The following CLOCK variants were observed in gnomAD, a reference collection of about 807,000 sequenced individuals.
The protein encoded by CLOCK is clock circadian regulator.
In CLOCK, 43 loss-of-function variants were observed where a neutral mutation model predicts 118.4. That is an observed-to-expected ratio of 0.36 (90% CI 0.28 to 0.47). CLOCK has a LOEUF of 0.47. Ranked by LOEUF, CLOCK falls within the 20% of genes least tolerant of loss-of-function variation. The pLI, the probability that CLOCK is intolerant of heterozygous loss-of-function variation, is 1.00. For synonymous variants in CLOCK, 326 were observed against 339.2 expected (o/e 0.96, Z 0.43); for missense variants, 846 against 999.9 (o/e 0.85, Z 2.08).
intron 14 of CLOCK, 158 bp from the exon 15 acceptor site, chr4:55,453,287 T>C (rs1724631234): frequency 1.6e-6 from 1 of 626,378 alleles, no homozygotes. Flanking sequence ...TGTCTTAATT[T>C]AACTTGCATT....
chr4:55,443,842 A>C lies in CLOCK; in HGVS notation c.1747T>G (p.Ser583Ala), dbSNP rs150890790. 1.2e-6 allele frequency: 2 copies of C among 1,613,682 alleles called. No individual in the cohort carries two copies. The highest frequency in any genetic ancestry group is 1.7e-6 in the Non-Finnish European group (2 of 1,179,988). The change falls in exon 20 of 23, where the codon TCT (serine) becomes GCT (alanine). Residue 583 changes from serine to alanine, a missense_variant. This residue lies in a region of CLOCK where 520 missense variants were observed against 558.0 expected (regional missense o/e 0.93). Transcript: ENST00000513440. ...GLNFGSVQLS[S>A]GNSSNIQQLA... ...TGCTGGATATTAGATGAATTTCCAGAAGAAAGTTGAACGGAACCAAAATTC... is the reference window on the plus strand; with the variant it reads ...TGCTGGATATTAGATGAATTTCCAGCAGAAAGTTGAACGGAACCAAAATTC...
chr4:55,545,616 T>C (rs946864429), intron 1 of CLOCK: 2 of 152,196 alleles, frequency 1.3e-5, no homozygotes, highest in Non-Finnish European at 2.9e-5. Context: ...ACAATCTGAT[T>C]TGATCTTTCA....
intron 11 of CLOCK, among the ~76,000 whole-genome samples, chr4:55,456,620 T>C (rs1464490): frequency 0.35 from 51,277 of 147,026 alleles, 9,350 homozygotes; most frequent in East Asian, 0.59. Flanking sequence ...CATAAATAAA[T>C]AGTCATTACT....
intron 1 of CLOCK, among the ~76,000 whole-genome samples, chr4:55,511,535 G>T (rs1729145493): frequency 6.6e-6 from 1 of 152,088 alleles, no homozygotes; most frequent in Non-Finnish European, 1.5e-5. Flanking sequence ...ATTTCCCATT[G>T]ACTCCATTAA....
intron 18 of CLOCK, among the ~76,000 whole-genome samples, chr4:55,448,189 G>A (rs760689341): frequency 6.6e-6 from 1 of 152,176 alleles, no homozygotes; most frequent in Non-Finnish European, 1.5e-5. Flanking sequence ...CCCTCTAGAT[G>A]TAATGGTTTT....
intron 13 of CLOCK, among the ~76,000 whole-genome samples, chr4:55,455,411 A>G (rs1362210473): frequency 6.6e-6 from 1 of 152,212 alleles, no homozygotes; most frequent in African/African-American, 2.4e-5. Context: ...TAATAGATGT[A>G]AAGTGTTTAG....
chr4:55,539,201 C>CTCCA (rs1350216283), intron 1 of CLOCK, among the ~76,000 whole-genome samples: 1 of 151,836 alleles, frequency 6.6e-6, no homozygotes, highest in Non-Finnish European at 1.5e-5. Flanking sequence ...CGCCACTGCA[C>CTCCA]TCCAGCCTAA....
intron 18 of CLOCK, 134 bp downstream of exon 18, chr4:55,448,645 C>T (rs972037678): frequency 1.6e-5 from 8 of 512,940 alleles, no homozygotes; most frequent in Non-Finnish European, 3.0e-5. Flanking sequence ...TGTGTGTGTG[C>T]TCCTACCTCA....
At chr4:55,508,667 A>ACTG in intron 2 of CLOCK, among the ~76,000 whole-genome samples, 1 of 150,520 alleles carries the variant, frequency 6.6e-6, no homozygotes, top group South Asian at 2.1e-4. Context: ...ATCTCGGCTC[A>ACTG]CTGCAAGCGC....
rs1724090989 is a variant in CLOCK at position 55,448,585 on chromosome 4, CGCGCGCGCACGCGCGCGTGT to C, written c.1539+174_1539+193del. Among the ~76,000 whole-genome samples the C allele has an allele frequency of 4.1e-5, 3 of 72,932 alleles. No individual in the cohort carries two copies. In the South Asian group the frequency reaches 2.4e-3, roughly 59 times the overall value. 47.8% of individuals were successfully genotyped at this position (72,932 alleles called of 152,430 possible). ...ATCTGTAACTATAATTATATATGTG[CGCGCGCGCACGCGCGCGTGT>C]GTGTGTGTGTGTGTGTGTGTGTGTG... On this transcript the variant is annotated intron_variant, in intron 18 of 22. Coordinates refer to ENST00000513440, the MANE Select transcript of CLOCK (RefSeq NM_004898.4).
intron 9 of CLOCK, among the ~76,000 whole-genome samples, chr4:55,462,474 T>C (rs1427084689): frequency 6.6e-6 from 1 of 152,178 alleles, no homozygotes; most frequent in African/African-American, 2.4e-5. Flanking sequence ...AGATGGGGTT[T>C]CGCCATGTTG....
chr4:55,433,677 T>C lies in CLOCK; in HGVS notation c.*1738A>G, dbSNP rs1331675902. 6.6e-6 allele frequency: 1 copy of C among 152,252 alleles called. No homozygotes were observed. The highest frequency in any genetic ancestry group is 1.5e-5 in the Non-Finnish European group (1 of 68,042). The allele number at this position is 152,252 out of a possible 1,614,324, so 9.4% of individuals were successfully genotyped here. On this transcript the variant is annotated 3_prime_UTR_variant, in exon 23 of 23. Transcript: ENST00000513440. Reference sequence around the variant, plus strand: ...TTTTATATTCTAATAATGTATTTTCTACTAATCCTCTTTTGTTCTATCACT... The same window carrying C: ...TTTTATATTCTAATAATGTATTTTCCACTAATCCTCTTTTGTTCTATCACT...
At chr4:55,544,543 A>T (rs1426571407) in intron 1 of CLOCK, among the ~76,000 whole-genome samples, 5 of 152,230 alleles carry the variant, frequency 3.3e-5, no homozygotes, top group Admixed American at 2.6e-4. Context: ...CTTAAAAATT[A>T]AAGTGTAAAT....
At chr4:55,505,992 A>G (rs912979835) in intron 2 of CLOCK, among the ~76,000 whole-genome samples, 1 of 152,018 alleles carries the variant, frequency 6.6e-6, no homozygotes, top group Non-Finnish European at 1.5e-5. Flanking sequence ...ATTCTCTTAA[A>G]TATCTACAGT....
chr4:55,524,987 A>G (rs1730084130), intron 1 of CLOCK, among the ~76,000 whole-genome samples: 1 of 152,152 alleles, frequency 6.6e-6, no homozygotes, highest in Admixed American at 6.5e-5. Context: ...TCACTCTCCT[A>G]GGTGATTCCA....
intron 1 of CLOCK, among the ~76,000 whole-genome samples, chr4:55,523,941 T>A (rs556825021): frequency 1.3e-5 from 2 of 152,318 alleles, no homozygotes; most frequent in South Asian, 4.1e-4. Flanking sequence ...AACAACTTTT[T>A]TCTTTTTAAA....
intron 2 of CLOCK, among the ~76,000 whole-genome samples, chr4:55,502,949 C>T (rs1325941767): frequency 6.6e-6 from 1 of 152,104 alleles, no homozygotes; most frequent in Non-Finnish European, 1.5e-5. Context: ...CTACAATAGA[C>T]CTTTACTACA....
intron 4 of CLOCK, among the ~76,000 whole-genome samples, chr4:55,481,432 A>G (rs1280108153): frequency 6.6e-6 from 1 of 152,242 alleles, no homozygotes; most frequent in African/African-American, 2.4e-5. Context: ...TGGGAAAAGC[A>G]TAATGCCAAA....
intron 8 of CLOCK, among the ~76,000 whole-genome samples, chr4:55,466,663 T>A (rs1442919324): frequency 2.6e-5 from 4 of 151,928 alleles, no homozygotes; most frequent in Non-Finnish European, 5.9e-5. Context: ...GTATCAAGAG[T>A]AGTATGATCA....
Sources: gnomAD v4.1 joint callset for allele counts (sites outside exome capture counted in the v4.1 genomes callset) on GRCh38, gnomAD v4.1.1 for gene constraint, gnomAD v4.1.1 regional missense constraint, MANE v1.5 for transcripts, NCBI Gene and HGNC (gene_info 2026-07-23, HGNC 2026-07-21) for gene names.